COL15A1: variants seen among roughly 807,000 people sequenced by gnomAD.
The protein encoded by COL15A1 is collagen alpha-1(XV) chain.
Under a neutral mutation model 165.9 loss-of-function variants are expected in COL15A1, and 111 were observed. The ratio of observed to expected loss-of-function variants is 0.67; its 90% CI spans 0.57 to 0.78. COL15A1 has a LOEUF of 0.78. Ranked by LOEUF, COL15A1 falls within the 30% of genes least tolerant of loss-of-function variation. The pLI is 0.00. For missense variants in COL15A1, 1,745 were observed against 1,789.7 expected, an observed-to-expected ratio of 0.98 and a Z score of 0.45; for synonymous variants, 659 against 674.8, an observed-to-expected ratio of 0.98 and a Z score of 0.36.
At chr9:99,057,012 C>T (rs915344413) in intron 35 of COL15A1, among the ~76,000 whole-genome samples, 6 of 152,158 alleles carry the variant, frequency 3.9e-5, no homozygotes, top group Non-Finnish European at 8.8e-5. Flanking sequence ...TATGAACTTT[C>T]GTGTACAAGT....
chr9:99,025,312 C>T (rs1839105376), intron 15 of COL15A1, among the ~76,000 whole-genome samples: 1 of 152,304 alleles, frequency 6.6e-6, no homozygotes, highest in African/African-American at 2.4e-5. Flanking sequence ...GCACATTCAG[C>T]AGAGACTTTA....
chr9:99,056,877 G>C (rs114116793), intron 35 of COL15A1, among the ~76,000 whole-genome samples: 1 of 152,132 alleles, frequency 6.6e-6, no homozygotes, highest in East Asian at 1.9e-4. Context: ...GTTGCAGCAC[G>C]GAGTTCATTC....
intron 2 of COL15A1, among the ~76,000 whole-genome samples, chr9:98,971,900 C>T (rs143128861): frequency 1.2e-4 from 19 of 152,304 alleles, no homozygotes; most frequent in South Asian, 1.2e-3. Flanking sequence ...GTTCCTTATC[C>T]GCTGGGCCTG....
Position 99,034,591 on chromosome 9 carries a change from A to T in COL15A1, c.2079+7A>T. On this transcript the variant is annotated splice_region_variant and intron_variant, in intron 17 of 41. Transcript: ENST00000375001. ...TGGCTCAGTTGGTGAAAAGGTAAAA[A>T]AAAAAAAAAAAAAAAAAAAAAAAGA... is the stretch of plus-strand genomic sequence containing the variant. The T allele has an allele frequency of 7.4e-6, 8 of 1,077,126 alleles. No individual in the cohort carries two copies. In the African/African-American group the frequency reaches 1.5e-4, roughly 21 times the overall value. The allele number at this position is 1,077,126 out of a possible 1,614,324, so 66.7% of individuals were successfully genotyped here.
At chr9:99,057,882 G>T (rs1202155206) in intron 35 of COL15A1, among the ~76,000 whole-genome samples, 1 of 152,158 alleles carries the variant, frequency 6.6e-6, no homozygotes, top group African/African-American at 2.4e-5. Flanking sequence ...TTGGGGCTGG[G>T]GCTTTGACTT....
chr9:99,036,113 C>T, intron 19 of COL15A1, 57 bp from the exon 20 acceptor site: 1 of 1,370,502 alleles, frequency 7.3e-7, no homozygotes, highest in East Asian at 2.3e-5. Flanking sequence ...AGACAAGAGG[C>T]TAGATGGAGG....
intron 2 of COL15A1, among the ~76,000 whole-genome samples, chr9:98,979,840 C>A (rs565223101): frequency 3.9e-5 from 6 of 152,142 alleles, no homozygotes; most frequent in Admixed American, 3.3e-4. Flanking sequence ...TCTCTATTAA[C>A]CTTAGTTTAG....
intron 9 of COL15A1, among the ~76,000 whole-genome samples, chr9:99,010,755 C>T (rs556246324): frequency 8.5e-5 from 13 of 152,260 alleles, no homozygotes; most frequent in Non-Finnish European, 1.6e-4. Context: ...GTTATATGGA[C>T]GTAATAACCT....
chr9:98,946,369 C>T (rs1042946356), intron 2 of COL15A1, among the ~76,000 whole-genome samples: 1 of 152,152 alleles, frequency 6.6e-6, no homozygotes, highest in Non-Finnish European at 1.5e-5. Flanking sequence ...AGAAGAGCTT[C>T]ACGGATGGAG....
rs955513580 is a variant in COL15A1 at position 99,049,178 on chromosome 9, G to C, written c.2794-512G>C. On this transcript the variant is annotated intron_variant, in intron 28 of 41. Coordinates refer to ENST00000375001, the MANE Select transcript of COL15A1 (RefSeq NM_001855.5). Reference sequence around the variant, plus strand: ...GGCTTAGAGGAGAAACTGTTGCATGGTACTAAGGCCAAGCTGGCTTCACTT... The same window carrying C: ...GGCTTAGAGGAGAAACTGTTGCATGCTACTAAGGCCAAGCTGGCTTCACTT... 3.3e-5 allele frequency among the ~76,000 whole-genome samples: 5 copies of C among 152,294 alleles called. No individual in the cohort carries two copies. The South Asian group carries it at 1.0e-3, about 32-fold the overall frequency.
chr9:99,031,222 C>G (rs893435846), intron 16 of COL15A1, among the ~76,000 whole-genome samples: 1 of 152,176 alleles, frequency 6.6e-6, no homozygotes, highest in African/African-American at 2.4e-5. Context: ...CCTCCAGAGC[C>G]TGGTGCCTCA....
intron 5 of COL15A1, among the ~76,000 whole-genome samples, chr9:98,989,907 G>A (rs1838386428): frequency 6.6e-6 from 1 of 152,214 alleles, no homozygotes; most frequent in South Asian, 2.1e-4. Context: ...AAAGCACTGA[G>A]TCAGACTGTG....
chr9:98,949,496 C>T (rs1837642941), intron 2 of COL15A1, among the ~76,000 whole-genome samples: 1 of 152,192 alleles, frequency 6.6e-6, no homozygotes, highest in Non-Finnish European at 1.5e-5. Flanking sequence ...ACACAGCTAC[C>T]AAGAAATGAG....
At chr9:99,065,378 C>T (rs1825874778) in intron 39 of COL15A1, among the ~76,000 whole-genome samples, 1 of 152,062 alleles carries the variant, frequency 6.6e-6, no homozygotes, top group Non-Finnish European at 1.5e-5. Context: ...GGCTTCTTCC[C>T]TCAGGCACCA....
chr9:99,058,973 G>A (rs1002725105), intron 35 of COL15A1, among the ~76,000 whole-genome samples: 2 of 152,158 alleles, frequency 1.3e-5, no homozygotes, highest in East Asian at 1.9e-4. Context: ...AGGAGTTGTC[G>A]GGGGTAGGGT....
intron 39 of COL15A1, among the ~76,000 whole-genome samples, chr9:99,065,459 G>A (rs1825875899): frequency 6.6e-6 from 1 of 151,946 alleles, no homozygotes; most frequent in Admixed American, 6.6e-5. Flanking sequence ...GACATCAAAG[G>A]GTCAGGGTGT....
chr9:99,007,496 A>G (rs888306580), intron 9 of COL15A1, among the ~76,000 whole-genome samples: 25 of 152,210 alleles, frequency 1.6e-4, no homozygotes, highest in Non-Finnish European at 1.2e-4. Context: ...TCTCATGGCT[A>G]GGAGGGTTTA....
intron 14 of COL15A1, among the ~76,000 whole-genome samples, chr9:99,024,460 A>G (rs906404049): frequency 2.6e-5 from 4 of 151,602 alleles, no homozygotes; most frequent in African/African-American, 9.7e-5. Flanking sequence ...AATTTTTTGT[A>G]TTTTTAGTAG....
intron 2 of COL15A1, among the ~76,000 whole-genome samples, chr9:98,964,126 ATCAAAT>A (rs1245556324): frequency 1.3e-5 from 2 of 152,240 alleles, no homozygotes; most frequent in Admixed American, 1.3e-4. Context: ...TTTCTCTGGC[ATCAAAT>A]TCCACGTCCT....
Sources: allele counts gnomAD v4.1 joint callset (sites outside exome capture counted in the v4.1 genomes callset), GRCh38; gene constraint gnomAD v4.1.1; transcripts MANE v1.5; gene names NCBI Gene and HGNC (gene_info 2026-07-23, HGNC 2026-07-21).